Variants in DLG2 observed in about 807,000 individuals in gnomAD.
DLG2 encodes discs large MAGUK scaffold protein 2, also known as disks large homolog 2.
DLG2 carries 45 observed loss-of-function variants against 132.5 expected under a neutral mutation model. The observed-to-expected ratio is 0.34, with a 90% CI of 0.27 to 0.44. DLG2 has a LOEUF of 0.44. DLG2 is among the 20% of genes least tolerant of loss of function. The probability of loss-of-function intolerance (pLI) is 1.00; values close to 1 mark genes in which losing one functional copy is unlikely to be tolerated. For missense variants in DLG2, 1,045 were observed against 1,196.9 expected (o/e 0.87, Z 1.87); for synonymous variants, 424 against 419.6 (o/e 1.01, Z -0.13).
intron 8 of DLG2, among the ~76,000 whole-genome samples, chr11:84,194,122 C>G (rs1217970122): frequency 2.6e-5 from 4 of 152,204 alleles, no homozygotes; most frequent in Non-Finnish European, 4.4e-5. Context: ...GGGAATCAAT[C>G]TTTCGATGAT....
chr11:85,495,306 C>T (rs1313381282), intron 3 of DLG2, among the ~76,000 whole-genome samples: 1 of 152,036 alleles, frequency 6.6e-6, no homozygotes, highest in Non-Finnish European at 1.5e-5. Context: ...TAAAATCTAG[C>T]AATTCATCTC....
intron 8 of DLG2, among the ~76,000 whole-genome samples, chr11:84,218,305 A>AAGAG (rs71036409): frequency 7.0e-6 from 1 of 143,330 alleles, no homozygotes; most frequent in African/African-American, 2.6e-5. Flanking sequence ...AAGAGAAAGA[A>AAGAG]AGAGAGAGAG....
At chr11:83,839,331 T>C (rs2057020350) in intron 16 of DLG2, among the ~76,000 whole-genome samples, 1 of 152,242 alleles carries the variant, frequency 6.6e-6, no homozygotes, top group African/African-American at 2.4e-5. Flanking sequence ...AATAAATTTG[T>C]AAAATGGAAT....
At chr11:83,902,232 T>C (rs2073654447) in intron 15 of DLG2, among the ~76,000 whole-genome samples, 1 of 152,194 alleles carries the variant, frequency 6.6e-6, no homozygotes, top group Non-Finnish European at 1.5e-5. Context: ...ATGGCTCCCC[T>C]TGTTCTGGAA....
At chr11:84,838,152 T>A (rs2080076112) in intron 6 of DLG2, among the ~76,000 whole-genome samples, 1 of 151,964 alleles carries the variant, frequency 6.6e-6, no homozygotes, top group African/African-American at 2.4e-5. Flanking sequence ...ATATTTAATT[T>A]CTATAACCTA....
chr11:83,831,789 A>G (rs1014677339), intron 17 of DLG2, among the ~76,000 whole-genome samples: 2 of 152,214 alleles, frequency 1.3e-5, no homozygotes, highest in Non-Finnish European at 2.9e-5. Context: ...CATGATTAGT[A>G]AAATTAAAAT....
chr11:83,585,590 T>C (rs1013420412), intron 19 of DLG2, among the ~76,000 whole-genome samples: 3 of 152,234 alleles, frequency 2.0e-5, no homozygotes, highest in Admixed American at 6.5e-5. Context: ...CAAGGATGAA[T>C]AACTAAAACT....
intron 6 of DLG2, among the ~76,000 whole-genome samples, chr11:84,604,089 A>T (rs1258987276): frequency 2.0e-5 from 3 of 152,008 alleles, no homozygotes; most frequent in Non-Finnish European, 4.4e-5. Context: ...AGGTACTATT[A>T]GTCCTACTTT....
intron 18 of DLG2, chr11:83,684,409 C>T (rs933787743): frequency 2.6e-5 from 4 of 152,140 alleles, no homozygotes; most frequent in Non-Finnish European, 5.9e-5. Context: ...CTGTGGCCAA[C>T]TTAATTTGCT....
At chr11:85,246,807 G>A (rs548369942) in intron 4 of DLG2, among the ~76,000 whole-genome samples, 2 of 151,992 alleles carry the variant, frequency 1.3e-5, no homozygotes, top group Non-Finnish European at 2.9e-5. Context: ...ATGAACATAA[G>A]TCTATATCCA....
intron 26 of DLG2, among the ~76,000 whole-genome samples, chr11:83,464,331 GTGA>G (rs1257262004): frequency 6.6e-6 from 1 of 152,236 alleles, no homozygotes; most frequent in Non-Finnish European, 1.5e-5. Flanking sequence ...AATAATGTGT[GTGA>G]TGATGTATCA....
At chr11:84,949,397 A>G (rs2154101715) in intron 6 of DLG2, among the ~76,000 whole-genome samples, 1 of 152,270 alleles carries the variant, frequency 6.6e-6, no homozygotes, top group South Asian at 2.1e-4. Context: ...GGGATTTGAG[A>G]TCAACCAGTC....
intron 3 of DLG2, among the ~76,000 whole-genome samples, chr11:85,331,765 C>G (rs2081767487): frequency 6.6e-6 from 1 of 152,124 alleles, no homozygotes; most frequent in Non-Finnish European, 1.5e-5. Context: ...TAATGACATC[C>G]AGCTGCATAC....
At chr11:83,512,160 G>C (rs530527251) in intron 21 of DLG2, among the ~76,000 whole-genome samples, 1 of 152,308 alleles carries the variant, frequency 6.6e-6, no homozygotes, top group South Asian at 2.1e-4. Context: ...GCAAAGCACA[G>C]TTCAGGCAGA....
chr11:84,438,472 T>C (rs1251648220), intron 7 of DLG2, among the ~76,000 whole-genome samples: 1 of 143,456 alleles, frequency 7.0e-6, no homozygotes. Flanking sequence ...TTAAAAAAAA[T>C]AAAAAATAAA....
intron 18 of DLG2, among the ~76,000 whole-genome samples, chr11:83,745,556 C>T (rs571363488): frequency 7.2e-5 from 11 of 152,230 alleles, no homozygotes; most frequent in African/African-American, 1.4e-4. Flanking sequence ...GTAATCCCAG[C>T]GCTTTGAGAG....
chr11:84,714,647 T>TCTCTC (rs2060981509), intron 6 of DLG2, among the ~76,000 whole-genome samples: 2 of 90,650 alleles, frequency 2.2e-5, no homozygotes, highest in African/African-American at 5.9e-5. Context: ...CTCTCTCTCT[T>TCTCTC]TCTCTCTCTC....
chr11:84,096,523 T>A (rs575910580), intron 10 of DLG2, among the ~76,000 whole-genome samples: 1 of 152,184 alleles, frequency 6.6e-6, no homozygotes, highest in Admixed American at 6.5e-5. Context: ...ACATATAACA[T>A]AAAATCTATT....
intron 7 of DLG2, among the ~76,000 whole-genome samples, chr11:84,373,588 A>T (rs2098717747): frequency 6.6e-6 from 1 of 152,098 alleles, no homozygotes; most frequent in African/African-American, 2.4e-5. Context: ...AAAAAAAGAA[A>T]AGAAATACCA....
Sources: allele counts gnomAD v4.1 joint callset (sites outside exome capture counted in the v4.1 genomes callset), GRCh38; gene constraint gnomAD v4.1.1; transcripts MANE v1.5; gene names NCBI Gene and HGNC (gene_info 2026-07-23, HGNC 2026-07-21).